The following PTPRJ variants were observed in gnomAD, a reference collection of about 807,000 sequenced individuals.
The protein encoded by PTPRJ is protein tyrosine phosphatase receptor type J.
In PTPRJ, 129 loss-of-function variants were observed where a neutral mutation model predicts 141.3. The observed-to-expected ratio is 0.91, with a 90% CI of 0.79 to 1.06. The LOEUF (loss-of-function observed/expected upper bound fraction) is 1.06. Ranked by LOEUF, PTPRJ falls within the 50% of genes least tolerant of loss-of-function variation. The pLI is 0.00. For missense variants in PTPRJ, 1,601 were observed against 1,679.7 expected (o/e 0.95, Z 0.82); for synonymous variants, 610 against 640.5 (o/e 0.95, Z 0.72).
intron 18 of PTPRJ, among the ~76,000 whole-genome samples, chr11:48,153,552 C>G (rs1857533981): frequency 6.8e-6 from 1 of 147,436 alleles, no homozygotes; most frequent in Admixed American, 6.7e-5. Flanking sequence ...AAGGAGGCAT[C>G]TGGTGCAGTG....
chr11:48,139,674 A>C lies in PTPRJ; in HGVS notation c.2341A>C (p.Thr781Pro). The C allele has an allele frequency of 6.2e-7, 1 of 1,614,176 alleles. No homozygotes were observed. The highest frequency in any genetic ancestry group is 8.5e-7 in the Non-Finnish European group (1 of 1,180,030). ...ENGTEYRTEV[T>P]YLNFSTSYNI... ...TGGCACTGAGTATAGAACGGAAGTC[A>C]CGTATTTGAATTTTTCTACCTCGTA... The change falls in exon 11 of 25, where the codon ACG becomes CCG. Residue 781 changes from threonine (T) to proline (P), a missense_variant. Coordinates refer to ENST00000418331, the MANE Select transcript of PTPRJ (RefSeq NM_002843.4).
In PTPRJ at chr11:48,125,080, A is replaced by T. The variant is rs1389342621; in HGVS notation, c.987A>T (p.Glu329Asp). ...CCGGCCAGCAGTCCCGAGACACGGA[A>T]GTCCTGCTTGTCGGGTTAGAGCCTG... ...PSSGQQSRDTEVLLVGLEPGT... is the reference protein window; with the variant it reads ...PSSGQQSRDTDVLLVGLEPGT... The change falls in exon 6 of 25, where the codon GAA becomes GAT. Residue 329 changes from glutamate to aspartate, a missense_variant. Transcript: ENST00000418331. The T allele has an allele frequency of 1.9e-6, 3 of 1,613,946 alleles. No individual in the cohort carries two copies. Among genetic ancestry groups the T allele is most frequent in the Non-Finnish European group, 2.5e-6 (3 of 1,180,020 alleles).
intron 1 of PTPRJ, among the ~76,000 whole-genome samples, chr11:47,995,753 G>A (rs73462875): frequency 0.074 from 11,213 of 152,260 alleles, 503 homozygotes; most frequent in African/African-American, 0.13. Flanking sequence ...GAAGAGGAAC[G>A]TGGGGGTCAG....
At position 48,083,228 on chromosome 11, in the gene PTPRJ, C is replaced by G. The variant is rs1267745573; in HGVS notation, c.97-26830C>G. On this transcript the variant is annotated intron_variant, in intron 1 of 24. Transcript: ENST00000418331. ...ATCACCTGAGATCAGGAGTTCGAGA[C>G]CAGCCTGACCAACATGGTGAAACCA... 3.3e-5 allele frequency among the ~76,000 whole-genome samples: 5 copies of G among 152,148 alleles called. No homozygotes were observed. The East Asian group carries it at 9.7e-4, about 29-fold the overall frequency.
Position 48,136,051 on chromosome 11 carries a change from T to C in PTPRJ, c.1628T>C (p.Val543Ala). The C allele has an allele frequency of 6.2e-7, 1 of 1,614,036 alleles. No homozygotes were observed. Among genetic ancestry groups the C allele is most frequent in the South Asian group, 1.1e-5 (1 of 91,070 alleles). The change falls in exon 9 of 25, where the codon GTG becomes GCG. Residue 543 changes from valine to alanine, a missense_variant. Transcript: ENST00000418331. ...TVCNRTVPSA[V>A]FDIHVVYVTT... ...TTCTTCTGAGCAGTTCCCAGTGCAG[T>C]GTTTGACATCCACGTGGTCTACGTC...
At chr11:48,056,092 A>T (rs1360522996) in intron 1 of PTPRJ, among the ~76,000 whole-genome samples, 1 of 152,206 alleles carries the variant, frequency 6.6e-6, no homozygotes, top group East Asian at 1.9e-4. Context: ...CACACTGTGG[A>T]TAAAGTTAAC....
At chr11:48,040,069 G>A (rs1048547707) in intron 1 of PTPRJ, among the ~76,000 whole-genome samples, 16 of 152,220 alleles carry the variant, frequency 1.1e-4, no homozygotes, top group African/African-American at 3.9e-4. Context: ...GATAACAGGC[G>A]TGAGCCACAC....
At chr11:48,153,704 C>A in intron 18 of PTPRJ, 92 bp from the exon 19 acceptor site, 1 of 792,996 alleles carries the variant, frequency 1.3e-6, no homozygotes, top group Non-Finnish European at 2.2e-6. Flanking sequence ...GTCTATGGGA[C>A]TGTTGGGCTG....
At chr11:47,995,202 AG>A (rs1854301347) in intron 1 of PTPRJ, among the ~76,000 whole-genome samples, 12 of 152,360 alleles carry the variant, frequency 7.9e-5, no homozygotes, top group Middle Eastern at 3.4e-3. Context: ...GATTGCCTTA[AG>A]ATAAATTGAA....
chr11:48,137,385 A>T, intron 10 of PTPRJ, 104 bp downstream of exon 10: 1 of 1,299,976 alleles, frequency 7.7e-7, no homozygotes, highest in East Asian at 2.3e-5. Context: ...TGTGATGTGC[A>T]GTGATGGACA....
intron 1 of PTPRJ, among the ~76,000 whole-genome samples, chr11:48,109,284 T>TA (rs34900809): frequency 4.4e-4 from 66 of 150,082 alleles, no homozygotes; most frequent in Admixed American, 1.3e-3. Context: ...CGATCCTACT[T>TA]AAAAAAAAAA....
chr11:48,105,723 C>T (rs1856272340), intron 1 of PTPRJ, among the ~76,000 whole-genome samples: 1 of 152,152 alleles, frequency 6.6e-6, no homozygotes, highest in South Asian at 2.1e-4. Flanking sequence ...GTGTTGGGAG[C>T]TCTGTGCCGC....
intron 8 of PTPRJ, among the ~76,000 whole-genome samples, chr11:48,131,329 C>T (rs1353330613): frequency 6.6e-6 from 1 of 151,954 alleles, no homozygotes; most frequent in Admixed American, 6.6e-5. Context: ...ATGATCTGCC[C>T]ACCTCAGCCT....
intron 5 of PTPRJ, 151 bp downstream of exon 5, chr11:48,124,021 C>A (rs1856776002): frequency 1.1e-6 from 1 of 886,392 alleles, no homozygotes; most frequent in African/African-American, 1.7e-5. Context: ...CCCCCACCTG[C>A]ATGAGGAAGG....
chr11:47,987,878 T>TG (rs1318389716), intron 1 of PTPRJ, among the ~76,000 whole-genome samples: 1 of 152,164 alleles, frequency 6.6e-6, no homozygotes, highest in South Asian at 2.1e-4. Flanking sequence ...GGTAAGCAGA[T>TG]GGGGGGCATT....
intron 2 of PTPRJ, among the ~76,000 whole-genome samples, chr11:48,110,343 A>G (rs1171864211): frequency 1.3e-5 from 2 of 152,072 alleles, no homozygotes; most frequent in African/African-American, 4.8e-5. Flanking sequence ...AGTAGCTGGG[A>G]TTACAGGCAC....
intron 24 of PTPRJ, among the ~76,000 whole-genome samples, chr11:48,166,105 C>T (rs1245201321): frequency 2.6e-5 from 4 of 151,640 alleles, no homozygotes; most frequent in African/African-American, 4.8e-5. Context: ...CCTCATGATC[C>T]GCCCGCCTCG....
intron 12 of PTPRJ, 47 bp from the exon 13 acceptor site, chr11:48,144,628 C>A: frequency 1.4e-6 from 2 of 1,451,352 alleles, no homozygotes; most frequent in South Asian, 1.2e-5. Flanking sequence ...GAAGAAATCT[C>A]TCTGCCATCA....
intron 11 of PTPRJ, among the ~76,000 whole-genome samples, chr11:48,142,691 G>T (rs1245985680): frequency 6.6e-6 from 1 of 152,206 alleles, no homozygotes; most frequent in Admixed American, 6.5e-5. Flanking sequence ...TTGGCTGGAT[G>T]CCCTGAAGGG....
Sources: allele counts gnomAD v4.1 joint callset (sites outside exome capture counted in the v4.1 genomes callset), GRCh38; gene constraint gnomAD v4.1.1; transcripts MANE v1.5; gene names NCBI Gene and HGNC (gene_info 2026-07-23, HGNC 2026-07-21).